The following DCAF5 variants were observed in gnomAD, a reference collection of about 807,000 sequenced individuals.
DCAF5 encodes the protein DDB1 and CUL4 associated factor 5.
Under a neutral mutation model 80.7 loss-of-function variants are expected in DCAF5, and 9 were observed. The ratio of observed to expected loss-of-function variants is 0.11; its 90% CI spans 0.07 to 0.19. DCAF5 has a LOEUF of 0.19. Ranked by LOEUF, DCAF5 falls within the 10% of genes least tolerant of loss-of-function variation. The pLI is 1.00. For missense variants in DCAF5, 842 were observed against 1,205.7 expected (o/e 0.70, Z 4.47); for synonymous variants, 433 against 461.9 (o/e 0.94, Z 0.80).
At chr14:69,143,165 G>A (rs547991697) in intron 1 of DCAF5, among the ~76,000 whole-genome samples, 4 of 152,174 alleles carry the variant, frequency 2.6e-5, no homozygotes, top group Admixed American at 2.0e-4. Flanking sequence ...AATTCCACCC[G>A]TCATCCTCCA....
intron 7 of DCAF5, among the ~76,000 whole-genome samples, chr14:69,067,334 T>A (rs2038483846): frequency 8.0e-6 from 1 of 124,878 alleles, no homozygotes; most frequent in South Asian, 3.2e-4. Context: ...GCCGATTTCG[T>A]ATCTTTTTTT....
chr14:69,067,120 T>C (rs7144307), intron 7 of DCAF5, among the ~76,000 whole-genome samples: 57,467 of 152,014 alleles, frequency 0.38, 12,038 homozygotes, highest in East Asian at 0.75. Context: ...GAACATAAGC[T>C]CCATGACAGC....
At position 69,083,540 on chromosome 14, in the gene DCAF5, C is replaced by T. The variant is rs546326472; in HGVS notation, c.880-8129G>A. On this transcript the variant is annotated intron_variant, in intron 6 of 8. Transcript: ENST00000341516. Reference sequence around the variant, plus strand: ...AATACAGATGTGTCTGAAGAAACAACGGGAGGTGGAAAGGTTAAAAAATCA... The same window carrying T: ...AATACAGATGTGTCTGAAGAAACAATGGGAGGTGGAAAGGTTAAAAAATCA... 31 of 365,054 alleles carry T rather than the reference C, an allele frequency of 8.5e-5. No homozygotes were observed. In the East Asian group the frequency reaches 1.3e-3, roughly 15 times the overall value. 22.6% of individuals were successfully genotyped at this position (365,054 alleles called of 1,614,324 possible).
intron 5 of DCAF5, among the ~76,000 whole-genome samples, chr14:69,115,744 G>C (rs2040523209): frequency 6.6e-6 from 1 of 152,090 alleles, no homozygotes; most frequent in Admixed American, 6.6e-5. Flanking sequence ...TTTGTCTTAA[G>C]TATGCTCTTT....
intron 7 of DCAF5, among the ~76,000 whole-genome samples, chr14:69,068,384 AC>A (rs1566727241): frequency 6.6e-6 from 1 of 152,064 alleles, no homozygotes; most frequent in Non-Finnish European, 1.5e-5. Flanking sequence ...TTCATTCTTG[AC>A]CCCACTGGTA....
intron 6 of DCAF5, chr14:69,084,857 G>A: frequency 3.4e-6 from 4 of 1,159,454 alleles, no homozygotes; most frequent in Non-Finnish European, 5.2e-6. Flanking sequence ...CATTACTGAA[G>A]TCAACTGGAT....
intron 5 of DCAF5, among the ~76,000 whole-genome samples, chr14:69,097,277 C>T (rs963017888): frequency 1.3e-5 from 2 of 152,090 alleles, no homozygotes; most frequent in Admixed American, 6.6e-5. Context: ...TGATGAGACA[C>T]GATTACAGGA....
intron 6 of DCAF5, chr14:69,085,509 A>G: frequency 3.2e-6 from 1 of 316,692 alleles, no homozygotes; most frequent in Admixed American, 4.9e-5. Flanking sequence ...GTATAAATTG[A>G]ATTCGGTTGC....
Position 69,122,373 on chromosome 14 carries a change from A to AT in DCAF5, c.215-14dup, listed in dbSNP as rs757262987. On this transcript the variant is annotated splice_polypyrimidine_tract_variant and intron_variant, in intron 1 of 8. Coordinates refer to ENST00000341516, the MANE Select transcript of DCAF5 (RefSeq NM_003861.3). ...CGGTCATCTCCTCCTTAAGAAGGAAATAAGAATCTGTGCTTAAAACAGCTG... is the reference window on the plus strand; with the variant it reads ...CGGTCATCTCCTCCTTAAGAAGGAAATTAAGAATCTGTGCTTAAAACAGCTG... The AT allele has an allele frequency of 2.5e-6, 4 of 1,605,598 alleles. No homozygotes were observed. In the African/African-American group the frequency reaches 4.0e-5, roughly 16 times the overall value.
intron 6 of DCAF5, chr14:69,083,686 G>C (rs897776919): frequency 6.4e-6 from 4 of 627,974 alleles, no homozygotes; most frequent in Non-Finnish European, 3.0e-6. Context: ...CAATGGAGAA[G>C]CAGCAATGCA....
At chr14:69,080,329 G>C in intron 6 of DCAF5, among the ~76,000 whole-genome samples, 1 of 152,052 alleles carries the variant, frequency 6.6e-6, no homozygotes, top group Admixed American at 6.6e-5. Flanking sequence ...TGCAGGTCTA[G>C]GCGGGCCATC....
At chr14:69,115,333 C>T (rs921689805) in intron 5 of DCAF5, among the ~76,000 whole-genome samples, 5 of 152,178 alleles carry the variant, frequency 3.3e-5, no homozygotes, top group East Asian at 1.9e-4. Context: ...CTGGGCTACA[C>T]CGATCTGCTA....
intron 8 of DCAF5, among the ~76,000 whole-genome samples, chr14:69,061,518 A>G (rs558716959): frequency 3.6e-4 from 55 of 152,354 alleles, no homozygotes; most frequent in African/African-American, 1.2e-3. Flanking sequence ...ATTTCCTGGT[A>G]GAGGTGAGTT....
chr14:69,088,337 A>G (rs917679793), intron 6 of DCAF5, among the ~76,000 whole-genome samples: 3 of 150,024 alleles, frequency 2.0e-5, no homozygotes, highest in Non-Finnish European at 4.4e-5. Context: ...CTCATCTGTG[A>G]AAGAAAAGGT....
intron 1 of DCAF5, among the ~76,000 whole-genome samples, chr14:69,133,762 A>G (rs1159593879): frequency 6.6e-6 from 1 of 152,214 alleles, no homozygotes; most frequent in Non-Finnish European, 1.5e-5. Context: ...AGTAGAACAG[A>G]AACATCCCCA....
intron 5 of DCAF5, among the ~76,000 whole-genome samples, chr14:69,109,069 C>T (rs562341829): frequency 4.6e-5 from 7 of 152,158 alleles, no homozygotes; most frequent in Admixed American, 2.6e-4. Flanking sequence ...AGGCCAGGCG[C>T]GGTGGCTCAC....
chr14:69,141,139 TAAAAAAAAA>T (rs11396838), intron 1 of DCAF5, among the ~76,000 whole-genome samples: 20 of 59,426 alleles, frequency 3.4e-4, no homozygotes, highest in African/African-American at 7.6e-4. Context: ...ATCTCAAATT[TAAAAAAAAA>T]AAAAAAAAAA....
At chr14:69,101,374 G>A (rs2039946149) in intron 5 of DCAF5, among the ~76,000 whole-genome samples, 1 of 152,172 alleles carries the variant, frequency 6.6e-6, no homozygotes, top group African/African-American at 2.4e-5. Context: ...CTTAGGCACT[G>A]TGTCACACAC....
At chr14:69,082,039 A>G (rs948579129) in intron 6 of DCAF5, among the ~76,000 whole-genome samples, 3 of 152,250 alleles carry the variant, frequency 2.0e-5, no homozygotes, top group Admixed American at 6.5e-5. Context: ...ATTTAAATCA[A>G]ACACAGCTCT....
Sources: allele counts gnomAD v4.1 joint callset (sites outside exome capture counted in the v4.1 genomes callset), GRCh38; gene constraint gnomAD v4.1.1; transcripts MANE v1.5; gene names NCBI Gene and HGNC (gene_info 2026-07-23, HGNC 2026-07-21).